ZFPM1: variants seen among roughly 807,000 people sequenced by gnomAD.
The protein encoded by ZFPM1 is zinc finger protein, FOG family member 1.
Under a neutral mutation model 46.3 loss-of-function variants are expected in ZFPM1, and 28 were observed. The ratio of observed to expected loss-of-function variants is 0.60; its 90% CI spans 0.45 to 0.83. ZFPM1 has a LOEUF of 0.83. ZFPM1 is among the 40% of genes least tolerant of loss of function. The pLI is 0.00. For missense variants in ZFPM1, 1,878 were observed against 1,432.4 expected (o/e 1.31, Z -5.02); for synonymous variants, 957 against 675.9 (o/e 1.42, Z -6.45).
At chr16:88,512,044 C>G (rs1297955605) in intron 3 of ZFPM1, among the ~76,000 whole-genome samples, 1 of 152,260 alleles carries the variant, frequency 6.6e-6, no homozygotes, top group African/African-American at 2.4e-5. Flanking sequence ...CCACCTTTAT[C>G]AGAGCCAGCC....
At chr16:88,502,564 C>A (rs1404279297) in intron 3 of ZFPM1, among the ~76,000 whole-genome samples, 1 of 152,194 alleles carries the variant, frequency 6.6e-6, no homozygotes, top group Non-Finnish European at 1.5e-5. Context: ...CCTCCCAGAG[C>A]CCCACTGTCC....
intron 3 of ZFPM1, among the ~76,000 whole-genome samples, chr16:88,507,295 AC>A (rs1910716098): frequency 6.6e-6 from 1 of 151,998 alleles, no homozygotes. Flanking sequence ...TCTTGGCCTC[AC>A]CCCCTCAGCA....
chr16:88,470,141 GC>G (rs1908347684), intron 1 of ZFPM1, among the ~76,000 whole-genome samples: 1 of 152,202 alleles, frequency 6.6e-6, no homozygotes, highest in Non-Finnish European at 1.5e-5. Flanking sequence ...ATTGTCCTGG[GC>G]AAAGGCCCCT....
At chr16:88,520,003 T>C (rs952679860) in intron 4 of ZFPM1, among the ~76,000 whole-genome samples, 7 of 148,216 alleles carry the variant, frequency 4.7e-5, no homozygotes, top group Non-Finnish European at 1.0e-4. Context: ...GGTGGGTAGA[T>C]AGCTGGTGGA....
At position 88,453,808 on chromosome 16, in the gene ZFPM1, C is replaced by A. The variant is rs1439206311; in HGVS notation, c.40+130C>A. ...GACCTTCACCCCGCGCCGCGCCCCC[C>A]GCGCTGTGCCAAGCGCGCCGTAATC... is the stretch of plus-strand genomic sequence containing the variant. On this transcript the variant is annotated intron_variant, in intron 1 of 9. Transcript: ENST00000319555. 9 of 491,274 alleles carry A rather than the reference C, an allele frequency of 1.8e-5. No homozygotes were observed. The African/African-American group carries it at 1.9e-4, about 10-fold the overall frequency. 30.4% of individuals were successfully genotyped at this position (491,274 alleles called of 1,614,324 possible).
chr16:88,463,000 A>C (rs866640443), intron 1 of ZFPM1, among the ~76,000 whole-genome samples: 1 of 152,092 alleles, frequency 6.6e-6, no homozygotes, highest in Non-Finnish European at 1.5e-5. Flanking sequence ...GACGTCCCTC[A>C]GGTGTCTCTG....
intron 3 of ZFPM1, among the ~76,000 whole-genome samples, chr16:88,505,150 C>T (rs1000620153): frequency 3.9e-5 from 6 of 152,208 alleles, no homozygotes; most frequent in African/African-American, 1.2e-4. Context: ...CACCTGGGGC[C>T]GGCCCTTCCT....
chr16:88,524,773 G>A (rs1459327474), intron 4 of ZFPM1, among the ~76,000 whole-genome samples: 1 of 152,238 alleles, frequency 6.6e-6, no homozygotes, highest in African/African-American at 2.4e-5. Context: ...GTGGGCTTCG[G>A]GTGGGTCCAG....
intron 4 of ZFPM1, among the ~76,000 whole-genome samples, chr16:88,524,003 T>C (rs1249673341): frequency 2.6e-5 from 4 of 152,204 alleles, no homozygotes; most frequent in African/African-American, 9.7e-5. Context: ...TTGCGGCGCG[T>C]GTTTTTATCA....
rs1908403205 is a variant in ZFPM1, at chr16:88,471,205, T to C, written c.41-14734T>C. ...CCCTGACCGCGATGGGCACTGAGAA[T>C]TCAGACAAGAGCCGGACTCCCTGAG... On this transcript the variant is annotated intron_variant, in intron 1 of 9. Coordinates refer to ENST00000319555, the MANE Select transcript of ZFPM1 (RefSeq NM_153813.3). The surrounding 1 kb of genome is among the most constrained non-coding windows in gnomAD (Gnocchi z 4.1). 6.6e-6 allele frequency among the ~76,000 whole-genome samples: 1 copy of C among 152,190 alleles called. No homozygotes were observed. Among genetic ancestry groups the C allele is most frequent in the Non-Finnish European group, 1.5e-5 (1 of 68,030 alleles).
chr16:88,475,998 T>C (rs577072721), intron 1 of ZFPM1, among the ~76,000 whole-genome samples: 184 of 151,270 alleles, frequency 1.2e-3, no homozygotes, highest in African/African-American at 4.3e-3. Context: ...GCTGAGGGGG[T>C]GTGGGTGCAG....
chr16:88,492,106 T>A (rs1008842053), intron 3 of ZFPM1, among the ~76,000 whole-genome samples: 2 of 151,890 alleles, frequency 1.3e-5, no homozygotes, highest in African/African-American at 4.8e-5. Flanking sequence ...CCATCCCTCC[T>A]CGCCTTCTCC....
intron 4 of ZFPM1, among the ~76,000 whole-genome samples, chr16:88,525,225 C>A (rs918999437): frequency 6.6e-6 from 1 of 152,236 alleles, no homozygotes; most frequent in Non-Finnish European, 1.5e-5. Flanking sequence ...TGGGACCCCA[C>A]TGCCCACCTC....
intron 3 of ZFPM1, among the ~76,000 whole-genome samples, chr16:88,507,166 T>C (rs1910707876): frequency 6.6e-6 from 1 of 152,168 alleles, no homozygotes; most frequent in African/African-American, 2.4e-5. Context: ...TCAGAGGACC[T>C]GGGCTCGACT....
At position 88,532,210 on chromosome 16, in the gene ZFPM1, G is replaced by C; in HGVS notation, c.921G>C (p.Leu307=). ...AGAGCTGCCCCAGCGCCAGCTCCCT[G>C]GAGATCCACATGCGCAGCCACAGCG... The part of the protein sequence containing the change: ...CRKSCPSASS[L]EIHMRSHSGE... The change falls in exon 7 of 10, where the codon CTG becomes CTC. Residue 307 remains leucine, a synonymous_variant. Transcript: ENST00000319555. The C allele has an allele frequency of 6.2e-7, 1 of 1,607,654 alleles. No homozygotes were observed. Among genetic ancestry groups the C allele is most frequent in the South Asian group, 1.1e-5 (1 of 90,830 alleles).
At chr16:88,527,959 T>C in intron 5 of ZFPM1, 73 bp from the exon 6 acceptor site, 1 of 1,428,362 alleles carries the variant, frequency 7.0e-7, no homozygotes, top group Non-Finnish European at 9.4e-7. Flanking sequence ...GACCCCATCC[T>C]CTGCCCCTTG....
intron 1 of ZFPM1, among the ~76,000 whole-genome samples, chr16:88,454,572 C>G (rs1907450788): frequency 1.3e-5 from 2 of 152,264 alleles, no homozygotes; most frequent in African/African-American, 4.8e-5. Flanking sequence ...CCTGCCCGGT[C>G]AGAGGCTGCT....
Position 88,532,210 on chromosome 16 carries a change from G to A in ZFPM1, c.921G>A (p.Leu307=), listed in dbSNP as rs537459101. The change falls in exon 7 of 10, where the codon CTG becomes CTA. Residue 307 remains leucine, a synonymous_variant. Coordinates refer to ENST00000319555, the MANE Select transcript of ZFPM1 (RefSeq NM_153813.3). The part of the protein sequence containing the change: ...CRKSCPSASS[L]EIHMRSHSGE... ...AGAGCTGCCCCAGCGCCAGCTCCCTGGAGATCCACATGCGCAGCCACAGCG... is the reference window on the plus strand; with the variant it reads ...AGAGCTGCCCCAGCGCCAGCTCCCTAGAGATCCACATGCGCAGCCACAGCG... 3 of 1,607,654 alleles carry A rather than the reference G, an allele frequency of 1.9e-6. No individual in the cohort carries two copies. The East Asian group carries it at 6.7e-5, about 36-fold the overall frequency.
chr16:88,490,952 G>A (rs1909531161), intron 3 of ZFPM1, among the ~76,000 whole-genome samples: 2 of 152,100 alleles, frequency 1.3e-5, no homozygotes, highest in Non-Finnish European at 2.9e-5. Flanking sequence ...TTCTCCTCAG[G>A]GACACCAGGT....
Sources: allele counts gnomAD v4.1 joint callset (sites outside exome capture counted in the v4.1 genomes callset), GRCh38; gene constraint gnomAD v4.1.1; non-coding constraint Gnocchi (gnomAD v3.1); transcripts MANE v1.5; gene names NCBI Gene and HGNC (gene_info 2026-07-23, HGNC 2026-07-21).